The following C1orf87 variants were observed in gnomAD, a reference collection of about 807,000 sequenced individuals.
The protein encoded by C1orf87 is chromosome 1 open reading frame 87.
In C1orf87, 58 loss-of-function variants were observed where a neutral mutation model predicts 60.5. That is an observed-to-expected ratio of 0.96 (90% confidence interval 0.78 to 1.19). The LOEUF (loss-of-function observed/expected upper bound fraction) is 1.19. Among genes scored for constraint, C1orf87 ranks in the 50% most tolerant of loss-of-function variants. C1orf87 has a pLI of 0.00. For missense variants in C1orf87, 673 were observed against 638.6 expected (o/e 1.05, Z -0.58); for synonymous variants, 236 against 227.4 (o/e 1.04, Z -0.34).
At chr1:60,072,499 A>T (rs936074950) in intron 2 of C1orf87, 38 bp downstream of exon 2, 2 of 1,449,080 alleles carry the variant, frequency 1.4e-6, no homozygotes, top group African/African-American at 2.8e-5. Context: ...CTTCATTATC[A>T]TCCAAGCAAC....
At chr1:60,037,935 G>T (rs1645289429) in intron 6 of C1orf87, 57 bp downstream of exon 6, 4 of 1,155,262 alleles carry the variant, frequency 3.5e-6, no homozygotes, top group Admixed American at 2.0e-5. Flanking sequence ...TTTTATAGCA[G>T]CCCACACAGA....
intron 9 of C1orf87, among the ~76,000 whole-genome samples, chr1:60,005,788 T>TGTGTGTGTGTGTGTGC (rs1206818539): frequency 8.0e-5 from 12 of 150,916 alleles, no homozygotes; most frequent in Middle Eastern, 7.0e-3. Context: ...TGTGTGTGTG[T>TGTGTGTGTGTGTGTGC]GTGCTTCTCA....
At chr1:60,025,258 T>C (rs1031106177) in intron 8 of C1orf87, 143 bp downstream of exon 8, 17 of 578,388 alleles carry the variant, frequency 2.9e-5, no homozygotes, top group Non-Finnish European at 4.5e-5. Context: ...CATGGGGGTT[T>C]CACCTTTATG....
rs543590783 is a variant in C1orf87, at chr1:60,002,715, T to G, written c.1193-1559A>C. On this transcript the variant is annotated intron_variant, in intron 9 of 11. Transcript: ENST00000371201. ...GACATGAAGTCCTTGCCCGTGCCTA[T>G]GTCCTGAATGGTAATGCCTAGCCAT... is the stretch of plus-strand genomic sequence containing the variant. Among the ~76,000 whole-genome samples, 58 of 152,266 alleles carry G rather than the reference T, an allele frequency of 3.8e-4. 1 individual carries two copies. Among genetic ancestry groups the G allele is most frequent in the African/African-American group, 1.3e-3 (53 of 41,564 alleles).
At chr1:59,993,688 C>T (rs752280020) in intron 11 of C1orf87, among the ~76,000 whole-genome samples, 1 of 151,128 alleles carries the variant, frequency 6.6e-6, no homozygotes, top group East Asian at 1.9e-4. Context: ...ATAGCCCTTA[C>T]AATCCATCTT....
chr1:60,054,799 G>A (rs904583293), intron 3 of C1orf87, among the ~76,000 whole-genome samples: 6 of 151,742 alleles, frequency 4.0e-5, no homozygotes, highest in Non-Finnish European at 7.4e-5. Flanking sequence ...ATTTTTTTTT[G>A]TAATTAGACA....
Position 59,997,675 on chromosome 1 carries a change from C to T in C1orf87, c.1414G>A (p.Glu472Lys). The change falls in exon 11 of 12, where the codon GAG (glutamate) becomes AAG (lysine). Residue 472 changes from glutamate (E) to lysine (K), a missense_variant. By Grantham distance (56) the Glu-to-Lys change is moderately conservative. Transcript: ENST00000371201. ...PAVKNKAEEC[E>K]TWIDRFRKLE... ...TTCCTGAACCTGTCTATCCACGTCT[C>T]ACATTCCTCAGCCTTGTTCTTCACA... is the stretch of plus-strand genomic sequence containing the variant. The T allele has an allele frequency of 1.2e-6, 2 of 1,613,978 alleles. No homozygotes were observed. Among genetic ancestry groups the T allele is most frequent in the Non-Finnish European group, 1.7e-6 (2 of 1,179,906 alleles).
chr1:60,069,551 C>G (rs1040403769), intron 2 of C1orf87, among the ~76,000 whole-genome samples: 2 of 152,138 alleles, frequency 1.3e-5, no homozygotes, highest in African/African-American at 2.4e-5. Flanking sequence ...CTCTTTTGCT[C>G]TTTTGTGAAA....
In C1orf87 at chr1:59,990,737, C is replaced by T. The variant is rs767149673; in HGVS notation, c.1577G>A (p.Arg526His). Residue 526 changes from arginine to histidine, a missense_variant, in exon 12 of 12, where the codon CGC (arginine) becomes CAC (histidine). By Grantham distance (29) the Arg-to-His change is conservative (BLOSUM62 0). Coordinates refer to ENST00000371201, the MANE Select transcript of C1orf87 (RefSeq NM_152377.3). ...CATATTTTCTCCCGAACGGAATCTG[C>T]GCAAGGCCTGGTCGATTTTCTGAGG... ...LSPQKIDQAL[R>H]RFRSGENMLL... The T allele has an allele frequency of 5.0e-6, 8 of 1,614,046 alleles. No individual in the cohort carries two copies. Among genetic ancestry groups the T allele is most frequent in the South Asian group, 2.2e-5 (2 of 91,078 alleles).
intron 9 of C1orf87, chr1:60,008,826 G>T (rs564904077): frequency 2.6e-6 from 1 of 385,508 alleles, no homozygotes; most frequent in Non-Finnish European, 5.1e-6. Context: ...AAATTATGTC[G>T]CAGTCCAAGA....
intron 3 of C1orf87, 71 bp downstream of exon 3, chr1:60,055,133 T>C: frequency 7.6e-7 from 1 of 1,312,858 alleles, no homozygotes; most frequent in African/African-American, 1.5e-5. Flanking sequence ...TGTTTTTGTG[T>C]GAACCTATGT....
chr1:60,035,661 C>T (rs530982874), intron 6 of C1orf87, among the ~76,000 whole-genome samples: 27 of 152,200 alleles, frequency 1.8e-4, no homozygotes, highest in Non-Finnish European at 4.0e-4. Flanking sequence ...AAAATGATTT[C>T]TTCATGTGCC....
chr1:60,024,016 C>A (rs1645182055), intron 8 of C1orf87, among the ~76,000 whole-genome samples: 1 of 152,022 alleles, frequency 6.6e-6, no homozygotes, highest in South Asian at 2.1e-4. Flanking sequence ...TATGTTCATG[C>A]CTTCTTGAAC....
chr1:60,064,357 TATA>T (rs1176356037), intron 2 of C1orf87, among the ~76,000 whole-genome samples: 1 of 142,452 alleles, frequency 7.0e-6, no homozygotes, highest in Non-Finnish European at 1.5e-5. Flanking sequence ...ATATGTAATA[TATA>T]ATATATATAT....
intron 9 of C1orf87, among the ~76,000 whole-genome samples, chr1:60,005,097 A>G (rs1378893195): frequency 1.3e-5 from 2 of 152,108 alleles, no homozygotes. Flanking sequence ...CAGTGGGCCT[A>G]CTGAATGAAG....
chr1:60,019,363 T>C (rs948921693), intron 8 of C1orf87, among the ~76,000 whole-genome samples: 5 of 152,190 alleles, frequency 3.3e-5, no homozygotes, highest in African/African-American at 1.2e-4. Flanking sequence ...TCCTTCCTGT[T>C]AAGCCTATAA....
chr1:60,072,812 A>G, intron 1 of C1orf87, 142 bp from the exon 2 acceptor site: 2 of 553,324 alleles, frequency 3.6e-6, no homozygotes, highest in Non-Finnish European at 6.4e-6. Flanking sequence ...TAACAAAGGC[A>G]TGAGAAAGAT....
chr1:60,035,902 A>G (rs1300315433), intron 6 of C1orf87, among the ~76,000 whole-genome samples: 1 of 152,232 alleles, frequency 6.6e-6, no homozygotes. Flanking sequence ...GGGAAGGACT[A>G]TGGAACTAAC....
intron 11 of C1orf87, among the ~76,000 whole-genome samples, chr1:59,993,427 C>T (rs1223724546): frequency 1.3e-5 from 2 of 151,806 alleles, no homozygotes; most frequent in Non-Finnish European, 2.9e-5. Flanking sequence ...ATGTCATCAA[C>T]ATTATTTTAA....
Sources: gnomAD v4.1 joint callset for allele counts (sites outside exome capture counted in the v4.1 genomes callset) on GRCh38, gnomAD v4.1.1 for gene constraint, MANE v1.5 for transcripts, NCBI Gene and HGNC (gene_info 2026-07-23, HGNC 2026-07-21) for gene names.